The following PTPRD variants were observed in gnomAD, a reference collection of about 807,000 sequenced individuals.
PTPRD encodes protein tyrosine phosphatase receptor type D, also known as receptor-type tyrosine-protein phosphatase delta.
Under a neutral mutation model 214.5 loss-of-function variants are expected in PTPRD, and 34 were observed. The ratio of observed to expected loss-of-function variants is 0.16; its 90% confidence interval spans 0.12 to 0.21. The LOEUF is 0.21. PTPRD is among the 10% of genes least tolerant of loss of function. The pLI, the probability that PTPRD is intolerant of heterozygous loss-of-function variation, is 1.00. For missense variants in PTPRD, 2,545 were observed against 2,398.7 expected, an observed-to-expected ratio of 1.06 and a Z score of -1.27; for synonymous variants, 1,128 against 845.7, an observed-to-expected ratio of 1.33 and a Z score of -5.79.
intron 9 of PTPRD, among the ~76,000 whole-genome samples, chr9:9,372,174 C>A (rs1332970463): frequency 1.3e-5 from 2 of 151,990 alleles, no homozygotes; most frequent in Non-Finnish European, 2.9e-5. Context: ...TCCTTGTTAA[C>A]TTTCTGTCTC....
chr9:10,365,909 T>C (rs1473008874), intron 2 of PTPRD, among the ~76,000 whole-genome samples: 5 of 152,312 alleles, frequency 3.3e-5, no homozygotes, highest in South Asian at 2.1e-4. Flanking sequence ...AATAGTTTCA[T>C]AAATCCCCAA....
At chr9:9,890,978 T>C (rs547105770) in intron 5 of PTPRD, among the ~76,000 whole-genome samples, 5 of 152,228 alleles carry the variant, frequency 3.3e-5, no homozygotes, top group African/African-American at 1.2e-4. Context: ...CAGTAAGACA[T>C]AGAAAAGAAA....
intron 9 of PTPRD, among the ~76,000 whole-genome samples, chr9:9,267,904 A>G (rs570679445): frequency 6.6e-6 from 1 of 151,372 alleles, no homozygotes; most frequent in East Asian, 2.0e-4. Flanking sequence ...GTATTTGACC[A>G]GCCCATAGCT....
intron 7 of PTPRD, among the ~76,000 whole-genome samples, chr9:9,655,485 C>T (rs1280909327): frequency 1.3e-5 from 2 of 151,708 alleles, no homozygotes; most frequent in African/African-American, 2.4e-5. Flanking sequence ...AGGAGAATTG[C>T]TTGAACCCAG....
intron 3 of PTPRD, among the ~76,000 whole-genome samples, chr9:10,111,497 C>T (rs899806582): frequency 6.6e-6 from 1 of 152,030 alleles, no homozygotes; most frequent in African/African-American, 2.4e-5. Flanking sequence ...CTCGGCCTCC[C>T]AAAGTGCTGG....
intron 2 of PTPRD, among the ~76,000 whole-genome samples, chr9:10,500,568 T>C (rs1385978556): frequency 6.6e-6 from 1 of 151,940 alleles, no homozygotes; most frequent in African/African-American, 2.4e-5. Flanking sequence ...TATACTCTTT[T>C]AGCTATCTTA....
intron 3 of PTPRD, among the ~76,000 whole-genome samples, chr9:10,220,923 C>CA (rs1488818030): frequency 1.3e-5 from 2 of 150,870 alleles, no homozygotes; most frequent in South Asian, 2.1e-4. Context: ...AAGAAATGGA[C>CA]AAAAAATAAA....
intron 2 of PTPRD, among the ~76,000 whole-genome samples, chr9:10,347,852 G>A (rs938856338): frequency 1.3e-5 from 2 of 152,036 alleles, no homozygotes; most frequent in Non-Finnish European, 2.9e-5. Flanking sequence ...GAGGTCAGGA[G>A]TTTGAGACCA....
At chr9:8,873,544 C>G (rs1200943105) in intron 11 of PTPRD, among the ~76,000 whole-genome samples, 2 of 152,180 alleles carry the variant, frequency 1.3e-5, no homozygotes, top group Non-Finnish European at 2.9e-5. Context: ...TCCCTAAGAG[C>G]TAGAAAGTTT....
At chr9:8,663,585 G>C (rs1388347707) in intron 12 of PTPRD, among the ~76,000 whole-genome samples, 1 of 151,948 alleles carries the variant, frequency 6.6e-6, no homozygotes, top group Non-Finnish European at 1.5e-5. Context: ...ACGCCTTCTG[G>C]GTTCAAGTGA....
intron 11 of PTPRD, among the ~76,000 whole-genome samples, chr9:9,000,964 C>A (rs1030275379): frequency 6.6e-6 from 1 of 151,952 alleles, no homozygotes; most frequent in Non-Finnish European, 1.5e-5. Context: ...CAAACAGCTA[C>A]AGCAAAGCAC....
intron 9 of PTPRD, among the ~76,000 whole-genome samples, chr9:9,283,073 C>CA (rs1290338858): frequency 6.6e-6 from 1 of 151,220 alleles, no homozygotes; most frequent in East Asian, 2.0e-4. Flanking sequence ...GTGTGATAAC[C>CA]AAAAAAACTC....
At chr9:9,330,150 C>A (rs188207022) in intron 9 of PTPRD, among the ~76,000 whole-genome samples, 1 of 152,132 alleles carries the variant, frequency 6.6e-6, no homozygotes, top group East Asian at 1.9e-4. Flanking sequence ...GCCATCTGAC[C>A]CCCTGCTTCT....
At chr9:9,665,485 T>C (rs1045688865) in intron 7 of PTPRD, among the ~76,000 whole-genome samples, 16 of 151,780 alleles carry the variant, frequency 1.1e-4, no homozygotes, top group African/African-American at 3.6e-4. Context: ...TTAACTATGT[T>C]CTGGCTTTCT....
intron 10 of PTPRD, among the ~76,000 whole-genome samples, chr9:9,136,395 G>C (rs187921172): frequency 1.3e-4 from 20 of 152,012 alleles, no homozygotes; most frequent in African/African-American, 3.4e-4. Flanking sequence ...AAAAGCTGTA[G>C]ATTCTCATTA....
intron 5 of PTPRD, among the ~76,000 whole-genome samples, chr9:9,919,353 C>T (rs1602133444): frequency 6.6e-6 from 1 of 152,214 alleles, no homozygotes; most frequent in Admixed American, 6.5e-5. Context: ...CCCAGTCTCT[C>T]TTTGGGCAGG....
At chr9:10,498,591 G>T (rs2133105219) in intron 2 of PTPRD, among the ~76,000 whole-genome samples, 1 of 151,758 alleles carries the variant, frequency 6.6e-6, no homozygotes. Flanking sequence ...ACGCATTTTT[G>T]TATGAACCAA....
chr9:8,962,923 G>C (rs964279513), intron 11 of PTPRD: 3 of 152,054 alleles, frequency 2.0e-5, no homozygotes, highest in Non-Finnish European at 4.4e-5. Context: ...GTGGCTCTTA[G>C]GAACTGATGG....
Position 10,593,159 on chromosome 9 carries a change from A to G in PTPRD, c.-600+19239T>C, listed in dbSNP as rs570361187. 3.3e-5 allele frequency among the ~76,000 whole-genome samples: 5 copies of G among 152,116 alleles called. No individual in the cohort carries two copies. The South Asian group carries it at 1.0e-3, about 32-fold the overall frequency. Reference sequence around the variant, plus strand: ...GAAAAGTGGAGCAAATAAGAAGAACATAGAGTTGTATCCTAAAGCAGTGCC... The same window carrying G: ...GAAAAGTGGAGCAAATAAGAAGAACGTAGAGTTGTATCCTAAAGCAGTGCC... On this transcript the variant is annotated intron_variant, in intron 2 of 45. Transcript: ENST00000381196.
Sources: gnomAD v4.1 joint callset for allele counts (sites outside exome capture counted in the v4.1 genomes callset) on GRCh38, gnomAD v4.1.1 for gene constraint, MANE v1.5 for transcripts, NCBI Gene and HGNC (gene_info 2026-07-23, HGNC 2026-07-21) for gene names.